LUZP2: variants seen among roughly 807,000 people sequenced by gnomAD.
The protein encoded by LUZP2 is leucine zipper protein 2.
Under a neutral mutation model 51.6 loss-of-function variants are expected in LUZP2, and 52 were observed. The observed-to-expected ratio is 1.01, with a 90% confidence interval of 0.81 to 1.27. The LOEUF (loss-of-function observed/expected upper bound fraction) is 1.27, where lower values mean the gene tolerates loss of function less well. Ranked by LOEUF, LUZP2 falls within the 50% of genes most tolerant of loss-of-function variation. The pLI is 0.00. For missense variants in LUZP2, 436 were observed against 395.4 expected, an observed-to-expected ratio of 1.10 and a Z score of -0.87; for synonymous variants, 154 against 137.3, an observed-to-expected ratio of 1.12 and a Z score of -0.85.
In LUZP2 at chr11:24,509,944, G is replaced by A. The variant is rs552041081; in HGVS notation, c.62+12639G>A. ...TTCTCAAAGACAGCTTTGACAGGTA[G>A]TGGGCAATGTGTGAGGGAGACATAA... On this transcript the variant is annotated intron_variant, in intron 1 of 11. Coordinates refer to ENST00000336930, the MANE Select transcript of LUZP2 (RefSeq NM_001009909.4). Among the ~76,000 whole-genome samples, 4 of 152,250 alleles carry A rather than the reference G, an allele frequency of 2.6e-5. No individual in the cohort carries two copies. In the South Asian group the frequency reaches 6.2e-4, roughly 24 times the overall value.
In LUZP2 at chr11:24,716,415, T is replaced by G. The variant is rs185682063; in HGVS notation, c.63-12754T>G. 8.5e-4 allele frequency among the ~76,000 whole-genome samples: 130 copies of G among 152,308 alleles called. 1 individual carries two copies. Among genetic ancestry groups the G allele is most frequent in the African/African-American group, 3.0e-3 (124 of 41,560 alleles). ...CATTGAAAGACTATTCCATGATAAG[T>G]GAGTCTATTGTATCTGCATTTAAAA... On this transcript the variant is annotated intron_variant, in intron 1 of 11. Transcript: ENST00000336930.
At chr11:24,696,209 G>A (rs1227266830) in intron 1 of LUZP2, among the ~76,000 whole-genome samples, 1 of 152,034 alleles carries the variant, frequency 6.6e-6, no homozygotes, top group African/African-American at 2.4e-5. Context: ...ACTATTTGGG[G>A]AAGGACAAGA....
At chr11:24,672,268 TA>T (rs1856423121) in intron 1 of LUZP2, among the ~76,000 whole-genome samples, 3 of 152,160 alleles carry the variant, frequency 2.0e-5, no homozygotes, top group Admixed American at 2.0e-4. Flanking sequence ...ACCAGTATTG[TA>T]AAATTAGTCT....
At chr11:24,641,688 T>C (rs921801626) in intron 1 of LUZP2, among the ~76,000 whole-genome samples, 7 of 151,864 alleles carry the variant, frequency 4.6e-5, no homozygotes, top group African/African-American at 1.7e-4. Context: ...AAGGCCACCT[T>C]GCTACTTCTA....
chr11:24,797,677 G>A (rs1278073376), intron 5 of LUZP2, among the ~76,000 whole-genome samples: 2 of 152,044 alleles, frequency 1.3e-5, no homozygotes. Flanking sequence ...ATAACTTAGG[G>A]GAAACATATT....
intron 1 of LUZP2, among the ~76,000 whole-genome samples, chr11:24,556,521 A>G (rs1343813360): frequency 6.6e-6 from 1 of 152,140 alleles, no homozygotes. Context: ...GAAAAGAAAG[A>G]CTTCATGAAG....
intron 1 of LUZP2, among the ~76,000 whole-genome samples, chr11:24,715,110 A>T (rs10834446): frequency 6.6e-6 from 1 of 151,872 alleles, no homozygotes; most frequent in Admixed American, 6.6e-5. Context: ...TCTGGGCGTA[A>T]GTGGACAGAG....
At chr11:25,076,546 AGAG>A (rs1859303215) in intron 10 of LUZP2, among the ~76,000 whole-genome samples, 6 of 150,464 alleles carry the variant, frequency 4.0e-5, no homozygotes, top group Admixed American at 2.0e-4. Context: ...GGAGGAAGGA[AGAG>A]AGGAGGGAAG....
intron 1 of LUZP2, among the ~76,000 whole-genome samples, chr11:24,639,777 T>TC (rs1263421664): frequency 2.0e-5 from 3 of 151,720 alleles, no homozygotes; most frequent in African/African-American, 7.3e-5. Context: ...TATGAGTAGT[T>TC]CTGCACAAAC....
chr11:24,529,039 C>T (rs1383394168), intron 1 of LUZP2, among the ~76,000 whole-genome samples: 3 of 151,058 alleles, frequency 2.0e-5, no homozygotes. Context: ...CTCACCCCTT[C>T]AAACTCGCAG....
chr11:24,522,638 C>T (rs747460685), intron 1 of LUZP2, among the ~76,000 whole-genome samples: 1 of 151,916 alleles, frequency 6.6e-6, no homozygotes. Context: ...TTGAGGTGAC[C>T]TTTAAATCTT....
chr11:24,988,802 C>A (rs1336318891), intron 9 of LUZP2, among the ~76,000 whole-genome samples: 1 of 151,936 alleles, frequency 6.6e-6, no homozygotes, highest in Non-Finnish European at 1.5e-5. Context: ...TGCTATATTT[C>A]TTTTAGTTAC....
intron 5 of LUZP2, among the ~76,000 whole-genome samples, chr11:24,878,298 A>G (rs1410639164): frequency 6.6e-6 from 1 of 151,944 alleles, no homozygotes; most frequent in Non-Finnish European, 1.5e-5. Context: ...TATTTGAAAG[A>G]TATTTTTCAC....
chr11:24,976,582 A>G lies in LUZP2; in HGVS notation c.523-9A>G, dbSNP rs1446081592. The G allele has an allele frequency of 1.9e-6, 3 of 1,570,744 alleles. No individual in the cohort carries two copies. The highest frequency in any genetic ancestry group is 2.6e-6 in the Non-Finnish European group (3 of 1,162,392). ...AATTTATCTAGAAGATTTATCTCTT[A>G]TTTTACAGGCGCAGCAGCTTACTGA... is the stretch of plus-strand genomic sequence containing the variant. On this transcript the variant is annotated splice_polypyrimidine_tract_variant and intron_variant, in intron 7 of 11. Transcript: ENST00000336930.
At chr11:24,688,248 TCA>T (rs1491471137) in intron 1 of LUZP2, among the ~76,000 whole-genome samples, 1 of 152,178 alleles carries the variant, frequency 6.6e-6, no homozygotes, top group Non-Finnish European at 1.5e-5. Flanking sequence ...CATTTAGTCC[TCA>T]CAAGAACCCA....
At chr11:24,630,475 C>A (rs530126177) in intron 1 of LUZP2, among the ~76,000 whole-genome samples, 1 of 151,990 alleles carries the variant, frequency 6.6e-6, no homozygotes, top group African/African-American at 2.4e-5. Context: ...TTCTTGTGGA[C>A]CTTGTCAAAG....
chr11:24,725,391 A>C (rs2716459), intron 1 of LUZP2, among the ~76,000 whole-genome samples: 124,380 of 151,952 alleles, frequency 0.82, 51,433 homozygotes, highest in African/African-American at 0.94. Context: ...AAGTTATAGT[A>C]CCCCTTCCTA....
intron 9 of LUZP2, among the ~76,000 whole-genome samples, chr11:24,987,084 G>A (rs1003680787): frequency 1.3e-5 from 2 of 151,754 alleles, no homozygotes; most frequent in African/African-American, 4.8e-5. Flanking sequence ...TTGTTGAGGA[G>A]ATCAAATACA....
chr11:24,556,998 T>A (rs138141594), intron 1 of LUZP2, among the ~76,000 whole-genome samples: 1 of 152,258 alleles, frequency 6.6e-6, no homozygotes, highest in Non-Finnish European at 1.5e-5. Context: ...ACTCTACCAT[T>A]ATTAATTAAT....
Sources: allele counts gnomAD v4.1 joint callset (sites outside exome capture counted in the v4.1 genomes callset), GRCh38; gene constraint gnomAD v4.1.1; transcripts MANE v1.5; gene names NCBI Gene and HGNC (gene_info 2026-07-23, HGNC 2026-07-21).